The following ZMAT4 variants were observed in gnomAD, a reference collection of about 807,000 sequenced individuals.
ZMAT4 encodes the protein zinc finger matrin-type protein 4.
A neutral mutation model predicts 28.7 loss-of-function variants in ZMAT4; 17 were observed. The ratio of observed to expected loss-of-function variants is 0.59; its 90% CI spans 0.41 to 0.89. The LOEUF (loss-of-function observed/expected upper bound fraction) is 0.89, where lower values mean the gene tolerates loss of function less well. Ranked by LOEUF, ZMAT4 falls within the 40% of genes least tolerant of loss-of-function variation. The probability of loss-of-function intolerance (pLI) is 0.00; values close to 1 mark genes in which losing one functional copy is unlikely to be tolerated. For missense variants in ZMAT4, 240 were observed against 283.8 expected (o/e 0.85, Z 1.11); for synonymous variants, 117 against 109.2 (o/e 1.07, Z -0.44).
intron 1 of ZMAT4, among the ~76,000 whole-genome samples, chr8:40,869,229 C>G (rs1047479191): frequency 6.6e-6 from 1 of 152,202 alleles, no homozygotes; most frequent in African/African-American, 2.4e-5. Context: ...AGAAACTCTA[C>G]TTATCTTATG....
chr8:40,542,240 A>T (rs1419832017), intron 6 of ZMAT4, among the ~76,000 whole-genome samples: 1 of 152,106 alleles, frequency 6.6e-6, no homozygotes, highest in African/African-American at 2.4e-5. Context: ...GAGAAAAAGA[A>T]GTTGGGAAGC....
intron 6 of ZMAT4, among the ~76,000 whole-genome samples, chr8:40,573,748 G>A (rs1804174375): frequency 6.6e-6 from 1 of 152,196 alleles, no homozygotes. Context: ...GCTGGAAAGA[G>A]TGCCAGGATC....
chr8:40,673,833 A>C (rs956042445), intron 5 of ZMAT4, among the ~76,000 whole-genome samples: 2 of 152,142 alleles, frequency 1.3e-5, no homozygotes, highest in African/African-American at 4.8e-5. Context: ...CAGGAACTTC[A>C]AATGATACAT....
chr8:40,793,083 G>A (rs1460161235), intron 2 of ZMAT4, among the ~76,000 whole-genome samples: 3 of 152,060 alleles, frequency 2.0e-5, no homozygotes, highest in South Asian at 4.1e-4. Context: ...AGCCCTGAGC[G>A]CAACAGTGGG....
chr8:40,557,643 C>T (rs78692003), intron 6 of ZMAT4, among the ~76,000 whole-genome samples: 6,049 of 152,232 alleles, frequency 0.04, 150 homozygotes, highest in South Asian at 0.094. Context: ...GCACTCTCTG[C>T]TTTTTCTTAA....
intron 2 of ZMAT4, among the ~76,000 whole-genome samples, chr8:40,773,937 A>C (rs573001026): frequency 6.6e-6 from 1 of 152,278 alleles, no homozygotes; most frequent in Non-Finnish European, 1.5e-5. Context: ...ACAGACAAAT[A>C]CATGGAATAT....
chr8:40,756,739 A>C (rs1812715508), intron 3 of ZMAT4, among the ~76,000 whole-genome samples: 1 of 151,584 alleles, frequency 6.6e-6, no homozygotes, highest in Non-Finnish European at 1.5e-5. Context: ...GCAAATACTG[A>C]ACCATTGCTC....
chr8:40,629,460 G>T (rs1347433946), intron 5 of ZMAT4, among the ~76,000 whole-genome samples: 4 of 151,258 alleles, frequency 2.6e-5, no homozygotes, highest in Middle Eastern at 3.4e-3. Context: ...CAACATGCAG[G>T]TTTGTTACAT....
chr8:40,829,001 C>T (rs1269132046), intron 1 of ZMAT4, among the ~76,000 whole-genome samples: 1 of 152,036 alleles, frequency 6.6e-6, no homozygotes, highest in African/African-American at 2.4e-5. Context: ...TGTCCATGGT[C>T]CTGAGGAGCC....
At chr8:40,751,975 T>C (rs1392801172) in intron 3 of ZMAT4, among the ~76,000 whole-genome samples, 4 of 152,090 alleles carry the variant, frequency 2.6e-5, no homozygotes, top group Non-Finnish European at 5.9e-5. Flanking sequence ...GATCTCTGGG[T>C]CTTCCCATCT....
chr8:40,854,504 G>A (rs981282674), intron 1 of ZMAT4, among the ~76,000 whole-genome samples: 2 of 152,238 alleles, frequency 1.3e-5, no homozygotes, highest in African/African-American at 2.4e-5. Context: ...AGAATTCTAA[G>A]TACTGAAAGC....
chr8:40,787,316 C>T (rs1247663856), intron 2 of ZMAT4, among the ~76,000 whole-genome samples: 2 of 152,200 alleles, frequency 1.3e-5, no homozygotes, highest in Admixed American at 6.5e-5. Context: ...CAATCCCCAT[C>T]GCTGTCAATC....
intron 5 of ZMAT4, among the ~76,000 whole-genome samples, chr8:40,662,568 G>A (rs577087923): frequency 7.9e-5 from 12 of 152,236 alleles, no homozygotes; most frequent in South Asian, 4.1e-4. Flanking sequence ...TTAACCAAGC[G>A]TCTTTAGAGA....
chr8:40,805,838 G>T (rs1010419251), intron 2 of ZMAT4, among the ~76,000 whole-genome samples: 6 of 151,284 alleles, frequency 4.0e-5, no homozygotes, highest in South Asian at 2.1e-4. Flanking sequence ...TACCTAATGC[G>T]AGATGACGAG....
rs139174837 is a variant in ZMAT4 at position 40,855,967 on chromosome 8, C to T, written c.-4-30287G>A. On this transcript the variant is annotated intron_variant, in intron 1 of 6. Coordinates refer to ENST00000297737, the MANE Select transcript of ZMAT4 (RefSeq NM_024645.3). ...CGACCTCCCAAAGTGCTGGGATTAC[C>T]GGCATGAGCAACTACACCCAGCCAC... Among the ~76,000 whole-genome samples the T allele has an allele frequency of 7.2e-5, 11 of 151,972 alleles. No individual in the cohort carries two copies. In the East Asian group the frequency reaches 1.2e-3, roughly 16 times the overall value.
chr8:40,768,394 GC>G, intron 2 of ZMAT4, among the ~76,000 whole-genome samples: 1 of 152,284 alleles, frequency 6.6e-6, no homozygotes, highest in Admixed American at 6.5e-5. Context: ...ACTGGTCCAT[GC>G]CCAGCATGGA....
At chr8:40,858,015 G>A (rs1817357462) in intron 1 of ZMAT4, among the ~76,000 whole-genome samples, 1 of 152,206 alleles carries the variant, frequency 6.6e-6, no homozygotes, top group Non-Finnish European at 1.5e-5. Context: ...GGGAATGGGA[G>A]TTATTGACCA....
intron 2 of ZMAT4, among the ~76,000 whole-genome samples, chr8:40,768,959 G>T (rs981290628): frequency 1.1e-4 from 17 of 152,126 alleles, no homozygotes; most frequent in Non-Finnish European, 2.2e-4. Context: ...GATTTTCAGA[G>T]AACACATAGA....
chr8:40,563,213 C>G (rs1452415917), intron 6 of ZMAT4, among the ~76,000 whole-genome samples: 1 of 152,204 alleles, frequency 6.6e-6, no homozygotes, highest in Non-Finnish European at 1.5e-5. Context: ...TTCATCTCAT[C>G]CAGGCAGCTT....
Sources: allele counts gnomAD v4.1 joint callset (sites outside exome capture counted in the v4.1 genomes callset), GRCh38; gene constraint gnomAD v4.1.1; transcripts MANE v1.5; gene names NCBI Gene and HGNC (gene_info 2026-07-23, HGNC 2026-07-21).